Variants in ZNF215 observed in about 807,000 individuals in gnomAD.
ZNF215 encodes zinc finger protein 215.
ZNF215 carries 24 observed loss-of-function variants against 27.2 expected under a neutral mutation model. That is an observed-to-expected ratio of 0.88 (90% CI 0.64 to 1.24). The LOEUF is 1.24. Among genes scored for constraint, ZNF215 ranks in the 50% most tolerant of loss-of-function variants. The pLI is 0.00. For missense variants in ZNF215, 675 were observed against 605.7 expected, an observed-to-expected ratio of 1.11 and a Z score of -1.20; for synonymous variants, 210 against 204.0, an observed-to-expected ratio of 1.03 and a Z score of -0.25.
Position 6,932,512 on chromosome 11 carries a change from G to GC in ZNF215, c.240_241insC (p.Ile81HisfsTer22). 6.2e-7 allele frequency: 1 copy of GC among 1,614,168 alleles called. No individual in the cohort carries two copies. Among genetic ancestry groups the GC allele is most frequent in the Non-Finnish European group, 8.5e-7 (1 of 1,180,034 alleles). The stretch of plus-strand genomic sequence containing the variant: ...TCTGTCTTCAATGGCTGAGACCAGA[G>GC]ATTCATACAAAGAAGCAGATTATAG... On this transcript the variant is annotated frameshift_variant, in exon 3 of 7. Transcript: ENST00000278319. LOFTEE classifies it high-confidence loss of function.
chr11:6,990,965 G>A (rs1851109707), downstream of ZNF215, among the ~76,000 whole-genome samples: 1 of 152,210 alleles, frequency 6.6e-6, no homozygotes. Flanking sequence ...ACAAACCAGT[G>A]ACTGGAGAAG....
In ZNF215 at chr11:6,942,813, C is replaced by G. The variant is rs571587184; in HGVS notation, c.484-270C>G. Reference sequence around the variant, plus strand: ...ACAGTTATTCCAGTTGTCTTTTTTCCCCCTCAACCATGTATTGTAAGCTAC... The same window carrying G: ...ACAGTTATTCCAGTTGTCTTTTTTCGCCCTCAACCATGTATTGTAAGCTAC... On this transcript the variant is annotated intron_variant, in intron 4 of 6. Transcript: ENST00000278319. 5.3e-5 allele frequency among the ~76,000 whole-genome samples: 8 copies of G among 152,014 alleles called. No homozygotes were observed. In the East Asian group the frequency reaches 5.8e-4, roughly 11 times the overall value.
intron 6 of ZNF215, among the ~76,000 whole-genome samples, chr11:6,952,869 G>A (rs1226334667): frequency 6.6e-6 from 1 of 151,436 alleles, no homozygotes; most frequent in Non-Finnish European, 1.5e-5. Flanking sequence ...GCAGTGGCTG[G>A]TACCGGTTGT....
chr11:6,975,610 G>A (rs1420820953), intron 5 of ZNF215, among the ~76,000 whole-genome samples: 2 of 151,932 alleles, frequency 1.3e-5, no homozygotes, highest in East Asian at 3.9e-4. Flanking sequence ...CAAATAAGTG[G>A]GAACATGTGA....
At chr11:6,938,616 A>G (rs978152846) in intron 3 of ZNF215, among the ~76,000 whole-genome samples, 5 of 151,866 alleles carry the variant, frequency 3.3e-5, no homozygotes, top group African/African-American at 4.8e-5. Context: ...AAAAAAATGG[A>G]TGGACCTCCA....
At chr11:6,954,257 C>T (rs1157283557) in intron 6 of ZNF215, among the ~76,000 whole-genome samples, 1 of 152,226 alleles carries the variant, frequency 6.6e-6, no homozygotes, top group African/African-American at 2.4e-5. Context: ...AACCACCGCT[C>T]TCTTCAAAGC....
intron 6 of ZNF215, among the ~76,000 whole-genome samples, chr11:6,954,521 G>GGGTGTAGGACCCGAGCCA (rs1850236015): frequency 6.6e-6 from 1 of 152,236 alleles, no homozygotes; most frequent in Non-Finnish European, 1.5e-5. Flanking sequence ...GAGACTCCGT[G>GGGTGTAGGACCCGAGCCA]GGTGTAGGAC....
chr11:6,951,146 T>C (rs979761431), intron 6 of ZNF215, among the ~76,000 whole-genome samples: 2 of 152,254 alleles, frequency 1.3e-5, no homozygotes, highest in Non-Finnish European at 2.9e-5. Context: ...AGTATTTTAT[T>C]GAGGATTTTT....
chr11:6,959,620 A>C (rs901846264), downstream of ZNF215, among the ~76,000 whole-genome samples: 1 of 152,216 alleles, frequency 6.6e-6, no homozygotes, highest in African/African-American at 2.4e-5. Context: ...ATAATCTTGA[A>C]TAAGAGGAAA....
chr11:6,931,267 G>T (rs1849248929), intron 2 of ZNF215, among the ~76,000 whole-genome samples: 1 of 152,220 alleles, frequency 6.6e-6, no homozygotes, highest in South Asian at 2.1e-4. Flanking sequence ...CCATAAAGTT[G>T]TGCTCAGTTG....
At chr11:6,950,110 G>A (rs1849993969) in intron 6 of ZNF215, among the ~76,000 whole-genome samples, 1 of 151,682 alleles carries the variant, frequency 6.6e-6, no homozygotes, top group Non-Finnish European at 1.5e-5. Flanking sequence ...TTTGGTACCA[G>A]TATCATGCTG....
At chr11:6,930,882 A>G (rs1182602418) in intron 2 of ZNF215, among the ~76,000 whole-genome samples, 1 of 152,252 alleles carries the variant, frequency 6.6e-6, no homozygotes, top group East Asian at 1.9e-4. Flanking sequence ...ACTCCAAAGT[A>G]TGTAGTCTCA....
At chr11:6,975,345 T>C (rs1850809196) in intron 5 of ZNF215, among the ~76,000 whole-genome samples, 2 of 151,984 alleles carry the variant, frequency 1.3e-5, no homozygotes, top group East Asian at 1.9e-4. Flanking sequence ...TCATGGAGAG[T>C]AGGGTATCCA....
At chr11:6,985,487 A>G (rs374423459), downstream of ZNF215, among the ~76,000 whole-genome samples, 11 of 152,292 alleles carry the variant, frequency 7.2e-5, no homozygotes, top group East Asian at 1.4e-3. Flanking sequence ...CTAGAACAAG[A>G]CAAAGATGGC....
In ZNF215 at chr11:6,932,168, C is replaced by G; in HGVS notation, c.-105C>G. The G allele has an allele frequency of 1.4e-6, 2 of 1,403,224 alleles. No individual in the cohort carries two copies. The highest frequency in any genetic ancestry group is 4.6e-5 in the East Asian group (2 of 43,382). 86.9% of individuals were successfully genotyped at this position (1,403,224 alleles called of 1,614,324 possible). On this transcript the variant is annotated 5_prime_UTR_variant, in exon 3 of 7. Transcript: ENST00000278319. ...TCCTCCTTACCGTGAAATAACTTGGCTTAAATCACACTGCATATAGTACAC... is the reference window on the plus strand; with the variant it reads ...TCCTCCTTACCGTGAAATAACTTGGGTTAAATCACACTGCATATAGTACAC...
intron 3 of ZNF215, among the ~76,000 whole-genome samples, chr11:6,934,400 A>G (rs1849366448): frequency 6.6e-6 from 1 of 152,196 alleles, no homozygotes; most frequent in Admixed American, 6.5e-5. Context: ...TTCTATTGCT[A>G]CTATAATAAA....
rs547588607 is a variant in ZNF215 at position 6,930,397 on chromosome 11, A to T, written c.-179-1697A>T. On this transcript the variant is annotated intron_variant, in intron 2 of 6. Transcript: ENST00000278319. ...AACCATCTTCATCTAATTCAGCCAA[A>T]TACAAGTTCACACTTAGGTCTCCAA... 2.0e-5 allele frequency among the ~76,000 whole-genome samples: 3 copies of T among 152,318 alleles called. No homozygotes were observed. The South Asian group carries it at 6.2e-4, about 32-fold the overall frequency.
intron 3 of ZNF215, 41 bp downstream of exon 3, chr11:6,932,713 T>C (rs771997073): frequency 1.9e-6 from 3 of 1,538,868 alleles, no homozygotes; most frequent in East Asian, 4.5e-5. Context: ...ACTTGACCTT[T>C]CCCATGTAAA....
chr11:6,954,515 C>T (rs1306819097), intron 6 of ZNF215, among the ~76,000 whole-genome samples: 5 of 152,236 alleles, frequency 3.3e-5, no homozygotes, highest in Admixed American at 6.5e-5. Flanking sequence ...GTCAGGGAGA[C>T]TCCGTGGGTG....
Sources: allele counts gnomAD v4.1 joint callset (sites outside exome capture counted in the v4.1 genomes callset), GRCh38; gene constraint gnomAD v4.1.1; transcripts MANE v1.5; gene names NCBI Gene and HGNC (gene_info 2026-07-23, HGNC 2026-07-21).